NPAS3: variants seen among roughly 807,000 people sequenced by gnomAD.
NPAS3 encodes the protein neuronal PAS domain-containing protein 3.
A neutral mutation model predicts 73.1 loss-of-function variants in NPAS3; 14 were observed. That is an observed-to-expected ratio of 0.19 (90% CI 0.13 to 0.30). The LOEUF is 0.30. Ranked by LOEUF, NPAS3 falls within the 10% of genes least tolerant of loss-of-function variation. The pLI is 1.00. For missense variants in NPAS3, 1,096 were observed against 1,250.0 expected, an observed-to-expected ratio of 0.88 and a Z score of 1.86; for synonymous variants, 620 against 541.5, an observed-to-expected ratio of 1.14 and a Z score of -2.01.
At chr14:33,798,633 G>A (rs187833284) in intron 11 of NPAS3, among the ~76,000 whole-genome samples, 29 of 152,218 alleles carry the variant, frequency 1.9e-4, no homozygotes, top group Admixed American at 9.2e-4. Context: ...TCAGGGAGGC[G>A]GAAGGAGGGC....
At chr14:33,105,804 C>A (rs541396004) in intron 2 of NPAS3, among the ~76,000 whole-genome samples, 1 of 151,982 alleles carries the variant, frequency 6.6e-6, no homozygotes, top group Non-Finnish European at 1.5e-5. Flanking sequence ...AAACAAAAAT[C>A]TTAGTTAAAA....
At chr14:33,662,910 G>T (rs1423436771) in intron 5 of NPAS3, among the ~76,000 whole-genome samples, 3 of 144,358 alleles carry the variant, frequency 2.1e-5, no homozygotes, top group African/African-American at 7.8e-5. Context: ...GCCCAGACTG[G>T]AGTGCGGTGG....
At position 33,765,716 on chromosome 14, in the gene NPAS3, G is replaced by T. The variant is rs570942029; in HGVS notation, c.853-8621G>T. Among the ~76,000 whole-genome samples the T allele has an allele frequency of 1.8e-3, 274 of 152,204 alleles. 1 individual carries two copies. Among genetic ancestry groups the T allele is most frequent in the African/African-American group, 6.2e-3 (257 of 41,542 alleles). ...TCATCTTTCTTTGCTCATTTAGAAG[G>T]CAGTCTGTGATGTGCACCTGGGTCA... On this transcript the variant is annotated intron_variant, in intron 7 of 11. Transcript: ENST00000356141.
At chr14:33,712,465 G>A (rs1335330708) in intron 6 of NPAS3, among the ~76,000 whole-genome samples, 1 of 152,112 alleles carries the variant, frequency 6.6e-6, no homozygotes, top group East Asian at 1.9e-4. Context: ...TGAGACAAAG[G>A]CAACTGTCTC....
chr14:33,664,892 C>T (rs1432475972), intron 5 of NPAS3, among the ~76,000 whole-genome samples: 1 of 152,212 alleles, frequency 6.6e-6, no homozygotes, highest in East Asian at 1.9e-4. Context: ...GATAGGAACG[C>T]TTTTACACCG....
At chr14:33,739,107 G>A (rs1334099597) in intron 7 of NPAS3, among the ~76,000 whole-genome samples, 4 of 152,180 alleles carry the variant, frequency 2.6e-5, no homozygotes, top group Non-Finnish European at 5.9e-5. Flanking sequence ...AGCCTAGACT[G>A]GCAAACGTAG....
At chr14:33,472,228 A>G (rs1038868833) in intron 4 of NPAS3, among the ~76,000 whole-genome samples, 16 of 152,192 alleles carry the variant, frequency 1.1e-4, no homozygotes, top group African/African-American at 3.9e-4. Context: ...TTATGTAGAT[A>G]ACTGGGAGAA....
intron 4 of NPAS3, among the ~76,000 whole-genome samples, chr14:33,452,774 C>CA (rs61640170): frequency 0.023 from 1,223 of 53,774 alleles, 247 homozygotes; most frequent in African/African-American, 0.063. Flanking sequence ...GACTCTGTCT[C>CA]AAAAAAAAAA....
chr14:33,746,337 T>C (rs1000559628), intron 7 of NPAS3, among the ~76,000 whole-genome samples: 1 of 151,742 alleles, frequency 6.6e-6, no homozygotes, highest in Non-Finnish European at 1.5e-5. Context: ...TACAGATGCC[T>C]GCCACCATGC....
rs1273694358 is a variant in NPAS3 at position 33,400,744 on chromosome 14, A to G, written c.468+33476A>G. Among the ~76,000 whole-genome samples, 4 of 152,034 alleles carry G rather than the reference A, an allele frequency of 2.6e-5. No individual in the cohort carries two copies. In the East Asian group the frequency reaches 7.8e-4, roughly 29 times the overall value. On this transcript the variant is annotated intron_variant, in intron 4 of 11. Coordinates refer to ENST00000356141, the Ensembl canonical transcript of NPAS3. ...TTGGAAACATTTTAAACTAAATAAG[A>G]TGAGTGGTAGTGGGAGTAGTAGGGG... is the stretch of plus-strand genomic sequence containing the variant.
intron 4 of NPAS3, among the ~76,000 whole-genome samples, chr14:33,529,819 A>G (rs1228714706): frequency 6.6e-6 from 1 of 152,034 alleles, no homozygotes; most frequent in African/African-American, 2.4e-5. Context: ...AACAGACAGA[A>G]AGGCACCGTT....
chr14:33,581,447 A>C (rs550411118), intron 5 of NPAS3, among the ~76,000 whole-genome samples: 1 of 152,316 alleles, frequency 6.6e-6, no homozygotes, highest in Non-Finnish European at 1.5e-5. Context: ...CCTCCATTCA[A>C]AAAGATATAT....
At chr14:33,163,545 A>T (rs1313389511) in intron 2 of NPAS3, among the ~76,000 whole-genome samples, 4 of 151,958 alleles carry the variant, frequency 2.6e-5, no homozygotes, top group Admixed American at 2.6e-4. Context: ...TATGGGCTGG[A>T]TACTGAATTT....
At chr14:33,404,429 A>G (rs781041535) in intron 4 of NPAS3, among the ~76,000 whole-genome samples, 1 of 152,110 alleles carries the variant, frequency 6.6e-6, no homozygotes, top group South Asian at 2.1e-4. Context: ...CCAGGCAGAA[A>G]TCATCTTTAT....
chr14:33,462,530 C>A (rs2050321053), intron 4 of NPAS3, among the ~76,000 whole-genome samples: 1 of 152,098 alleles, frequency 6.6e-6, no homozygotes, highest in South Asian at 2.1e-4. Context: ...TGTCCTGGGC[C>A]CTGGAGGAAG....
intron 1 of NPAS3, among the ~76,000 whole-genome samples, chr14:33,007,887 A>G (rs2039052825): frequency 6.6e-6 from 1 of 152,222 alleles, no homozygotes; most frequent in African/African-American, 2.4e-5. Flanking sequence ...ATTTCCAAAA[A>G]CAGGCAATGA....
chr14:33,334,224 T>G (rs1163728622), intron 3 of NPAS3, among the ~76,000 whole-genome samples: 3 of 152,200 alleles, frequency 2.0e-5, no homozygotes, highest in Non-Finnish European at 4.4e-5. Context: ...AAGAGCTTTG[T>G]TGAAGTATAT....
At chr14:33,337,041 T>G (rs983217086) in intron 3 of NPAS3, among the ~76,000 whole-genome samples, 5 of 152,214 alleles carry the variant, frequency 3.3e-5, no homozygotes, top group Admixed American at 1.3e-4. Flanking sequence ...GTGTTTTCAT[T>G]TTCTCAAAGG....
chr14:33,312,510 C>A (rs2140200340), intron 3 of NPAS3, among the ~76,000 whole-genome samples: 1 of 152,014 alleles, frequency 6.6e-6, no homozygotes, highest in African/African-American at 2.4e-5. Flanking sequence ...TTCCAATTAC[C>A]ATTTGAATTA....
Sources: gnomAD v4.1 joint callset for allele counts (sites outside exome capture counted in the v4.1 genomes callset) on GRCh38, gnomAD v4.1.1 for gene constraint, MANE v1.5 for transcripts, NCBI Gene and HGNC (gene_info 2026-07-23, HGNC 2026-07-21) for gene names.